FGD5: variants seen among roughly 807,000 people sequenced by gnomAD.
The protein encoded by FGD5 is FYVE, RhoGEF and PH domain-containing protein 5.
FGD5 carries 28 observed loss-of-function variants against 133.4 expected under a neutral mutation model. That is an observed-to-expected ratio of 0.21 (90% CI 0.16 to 0.29). FGD5 has a LOEUF of 0.29. FGD5 is among the 10% of genes least tolerant of loss of function. The pLI is 1.00. For missense variants in FGD5, 1,858 were observed against 1,895.2 expected (o/e 0.98, Z 0.36); for synonymous variants, 810 against 776.5 (o/e 1.04, Z -0.72).
rs2038928378 is a variant in FGD5 at position 14,933,243 on chromosome 3, C to A, written c.*76C>A. 6.5e-7 allele frequency: 1 copy of A among 1,532,028 alleles called. No homozygotes were observed. The highest frequency in any genetic ancestry group is 1.9e-5 in the Admixed American group (1 of 53,748). The allele number at this position is 1,532,028 out of a possible 1,614,324, so 94.9% of individuals were successfully genotyped here. ...TGCTTTTAGAAGCTAAGCTGTGGCT[C>A]AACTCATCCGGACACACACCTGGAT... is the stretch of plus-strand genomic sequence containing the variant. On this transcript the variant is annotated 3_prime_UTR_variant, in exon 20 of 20. Coordinates refer to ENST00000285046, the MANE Select transcript of FGD5 (RefSeq NM_152536.4).
At chr3:14,909,793 C>T (rs1356041783) in intron 10 of FGD5, among the ~76,000 whole-genome samples, 1 of 141,930 alleles carries the variant, frequency 7.0e-6, no homozygotes, top group African/African-American at 2.6e-5. Flanking sequence ...CAGAGTCTTG[C>T]TCTGTTGCCC....
At chr3:14,886,242 GT>G (rs2037922380) in intron 4 of FGD5, among the ~76,000 whole-genome samples, 1 of 152,206 alleles carries the variant, frequency 6.6e-6, no homozygotes, top group African/African-American at 2.4e-5. Flanking sequence ...TCCCAGCTGG[GT>G]TAGTCCCCTG....
In FGD5 at chr3:14,910,914, C is replaced by G. The variant is rs371343195; in HGVS notation, c.3390C>G (p.Pro1130=). 6 of 1,612,906 alleles carry G rather than the reference C, an allele frequency of 3.7e-6. No homozygotes were observed. The highest frequency in any genetic ancestry group is 5.1e-6 in the Non-Finnish European group (6 of 1,179,452). Residue 1130 remains proline (P), a synonymous_variant, in exon 11 of 20, where the codon CCC becomes CCG. Coordinates refer to ENST00000285046, the MANE Select transcript of FGD5 (RefSeq NM_152536.4). The part of the protein sequence containing the change: ...LMKVTGKNRR[P]RHLFLMNDVL... ...AAGTAACAGGGAAAAACAGACGGCC[C>G]CGGCACCTATTTCTGGTAAGTGCCC...
intron 2 of FGD5, among the ~76,000 whole-genome samples, chr3:14,870,438 C>T (rs896241297): frequency 1.3e-5 from 2 of 152,188 alleles, no homozygotes; most frequent in Non-Finnish European, 2.9e-5. Flanking sequence ...TCCCTTCCGC[C>T]GTCCACTTCA....
intron 4 of FGD5, among the ~76,000 whole-genome samples, chr3:14,892,051 C>G (rs1575236479): frequency 6.6e-6 from 1 of 151,976 alleles, no homozygotes; most frequent in Admixed American, 6.6e-5. Context: ...TTTTCTACCC[C>G]TCACTGTTCC....
chr3:14,900,331 G>T lies in FGD5; in HGVS notation c.3155-72G>T, dbSNP rs570890129. The T allele has an allele frequency of 2.7e-6, 4 of 1,473,180 alleles. No individual in the cohort carries two copies. The African/African-American group carries it at 4.2e-5, about 15-fold the overall frequency. The allele number at this position is 1,473,180 out of a possible 1,614,324, so 91.3% of individuals were successfully genotyped here. A position where few individuals can be genotyped will look rare whatever the true frequency, so the allele number is the denominator to read the frequency against. On this transcript the variant is annotated intron_variant, in intron 7 of 19. Coordinates refer to ENST00000285046, the MANE Select transcript of FGD5 (RefSeq NM_152536.4). ...TTCTTCCAACTCTGGCAAGAGAGGGGGTGGCCACAGTTGTGGGCAGGAGGG... is the reference window on the plus strand; with the variant it reads ...TTCTTCCAACTCTGGCAAGAGAGGGTGTGGCCACAGTTGTGGGCAGGAGGG...
intron 18 of FGD5, among the ~76,000 whole-genome samples, chr3:14,927,429 A>G (rs1427884092): frequency 4.6e-5 from 7 of 152,218 alleles, no homozygotes; most frequent in African/African-American, 1.7e-4. Flanking sequence ...GACCAGCCGG[A>G]GCAACATAGT....
At chr3:14,828,286 A>G (rs1196501703) in intron 1 of FGD5, among the ~76,000 whole-genome samples, 1 of 152,196 alleles carries the variant, frequency 6.6e-6, no homozygotes, top group African/African-American at 2.4e-5. Flanking sequence ...GGATGTCTTC[A>G]TGGACAAAGT....
At chr3:14,926,637 C>A (rs760479193) in intron 18 of FGD5, among the ~76,000 whole-genome samples, 1 of 152,216 alleles carries the variant, frequency 6.6e-6, no homozygotes, top group Non-Finnish European at 1.5e-5. Flanking sequence ...AGTAATTCTT[C>A]TAAAGAAAAC....
intron 2 of FGD5, among the ~76,000 whole-genome samples, chr3:14,874,996 G>A (rs1045388251): frequency 1.3e-5 from 2 of 152,102 alleles, no homozygotes; most frequent in Non-Finnish European, 1.5e-5. Context: ...GTGACAGCTG[G>A]GATAAAGAGT....
At chr3:14,901,751 G>T (rs917491201) in intron 9 of FGD5, among the ~76,000 whole-genome samples, 3 of 152,330 alleles carry the variant, frequency 2.0e-5, no homozygotes, top group African/African-American at 7.2e-5. Flanking sequence ...CTTTGCTGTG[G>T]CAGAGACACA....
At chr3:14,827,859 A>G (rs559494654) in intron 1 of FGD5, among the ~76,000 whole-genome samples, 1 of 152,156 alleles carries the variant, frequency 6.6e-6, no homozygotes, top group South Asian at 2.1e-4. Context: ...AGAAGATTCT[A>G]CCCGCCCGGG....
intron 3 of FGD5, 48 bp downstream of exon 3, chr3:14,880,678 G>C: frequency 6.2e-7 from 1 of 1,613,922 alleles, no homozygotes; most frequent in South Asian, 1.1e-5. Context: ...TAAACAAAAC[G>C]TCACCCTCCT....
chr3:14,820,837 T>C lies in FGD5; in HGVS notation c.1766T>C (p.Ile589Thr), dbSNP rs746734604. The C allele has an allele frequency of 6.2e-7, 1 of 1,613,728 alleles. No individual in the cohort carries two copies. The highest frequency in any genetic ancestry group is 8.5e-7 in the Non-Finnish European group (1 of 1,179,828). Residue 589 changes from isoleucine to threonine, a missense_variant, in exon 1 of 20, where the codon ATT becomes ACT. By Grantham distance (89) the Ile-to-Thr change is moderately conservative. Coordinates refer to ENST00000285046, the MANE Select transcript of FGD5 (RefSeq NM_152536.4). Reference protein sequence around the residue: ...KEDNLSLSCVIGSSGSFSQRN... With the variant: ...KEDNLSLSCVTGSSGSFSQRN... Reference sequence around the variant, plus strand: ...GACAATCTCTCTCTGTCGTGTGTAATTGGCTCCTCTGGGAGTTTCTCCCAG... The same window carrying C: ...GACAATCTCTCTCTGTCGTGTGTAACTGGCTCCTCTGGGAGTTTCTCCCAG...
chr3:14,932,452 A>T, intron 18 of FGD5, 125 bp from the exon 19 acceptor site: 7 of 1,062,534 alleles, frequency 6.6e-6, no homozygotes, highest in South Asian at 1.8e-5. Flanking sequence ...GTGTGTGGTG[A>T]GCCCGAAGGT....
chr3:14,815,528 C>A (rs2036355334), upstream of FGD5, among the ~76,000 whole-genome samples: 1 of 152,134 alleles, frequency 6.6e-6, no homozygotes, highest in African/African-American at 2.4e-5. Context: ...AGATTAGGGC[C>A]TGGCACATAG....
chr3:14,843,686 C>CTTTTT (rs71919787), intron 1 of FGD5, among the ~76,000 whole-genome samples: 1 of 48,232 alleles, frequency 2.1e-5, no homozygotes, highest in African/African-American at 8.4e-5. Flanking sequence ...CCCCAGGGTG[C>CTTTTT]TTTTTTTTTT....
intron 11 of FGD5, among the ~76,000 whole-genome samples, chr3:14,914,335 T>C (rs888248188): frequency 3.3e-5 from 5 of 152,242 alleles, no homozygotes; most frequent in Non-Finnish European, 4.4e-5. Context: ...GTCCTTGAGC[T>C]GCAGGTGGGG....
intron 2 of FGD5, among the ~76,000 whole-genome samples, chr3:14,870,734 C>T (rs1375140264): frequency 6.6e-6 from 1 of 152,186 alleles, no homozygotes; most frequent in Non-Finnish European, 1.5e-5. Flanking sequence ...CAGACTTGAG[C>T]TTCTTGGTGC....
Sources: allele counts gnomAD v4.1 joint callset (sites outside exome capture counted in the v4.1 genomes callset), GRCh38; gene constraint gnomAD v4.1.1; transcripts MANE v1.5; gene names NCBI Gene and HGNC (gene_info 2026-07-23, HGNC 2026-07-21).